RBM20: variants seen among roughly 807,000 people sequenced by gnomAD.
RBM20 encodes the protein RNA binding motif protein 20.
Under a neutral mutation model 110.1 loss-of-function variants are expected in RBM20, and 51 were observed. The ratio of observed to expected loss-of-function variants is 0.46; its 90% confidence interval spans 0.37 to 0.59. The LOEUF (loss-of-function observed/expected upper bound fraction) is 0.59, where lower values mean the gene tolerates loss of function less well. RBM20 is among the 20% of genes least tolerant of loss of function. The pLI, the probability that RBM20 is intolerant of heterozygous loss-of-function variation, is 0.00. For missense variants in RBM20, 1,512 were observed against 1,574.9 expected, an observed-to-expected ratio of 0.96 and a Z score of 0.68; for synonymous variants, 589 against 618.2, an observed-to-expected ratio of 0.95 and a Z score of 0.70.
intron 1 of RBM20, among the ~76,000 whole-genome samples, chr10:110,659,583 G>A (rs897392733): frequency 1.3e-5 from 2 of 152,076 alleles, no homozygotes; most frequent in African/African-American, 4.8e-5. Context: ...GATAAATGGT[G>A]GAAATGACCA....
upstream of RBM20, chr10:110,644,272 G>A: frequency 2.3e-6 from 1 of 425,668 alleles, no homozygotes; most frequent in Non-Finnish European, 4.1e-6. The surrounding 1 kb of genome is among the most constrained non-coding windows in gnomAD (Gnocchi z 4.3). Flanking sequence ...GGGACGAGCT[G>A]GAGCAGCGGG....
rs883317 is a variant in RBM20, at chr10:110,739,345, C to G, written c.192-41456C>G. On this transcript the variant is annotated intron_variant, in intron 1 of 13. Coordinates refer to ENST00000369519, the MANE Select transcript of RBM20 (RefSeq NM_001134363.3). This position sits in a 1 kb window ranked among gnomAD's most constrained non-coding sequence, Gnocchi z 4.1. ...TTCATTAGGTGCCCACTCTGGGTTA[C>G]TGTGTCTCGCACTGTCCTGGACACT... Among the ~76,000 whole-genome samples, 107,134 of 152,074 alleles carry G rather than the reference C, an allele frequency of 0.7. 38,415 individuals carry two copies. Among genetic ancestry groups the G allele is most frequent in the African/African-American group, 0.85 (35,307 of 41,504 alleles).
chr10:110,780,973 C>A lies in RBM20; in HGVS notation c.364C>A (p.Gln122Lys), dbSNP rs727504583. 1.2e-5 allele frequency: 19 copies of A among 1,551,654 alleles called. No individual in the cohort carries two copies. In the Admixed American group the frequency reaches 2.9e-4, roughly 24 times the overall value. Reference sequence around the variant, plus strand: ...CACTGCAGCCGCCACAGTCCTGAACCAAGTCCTCTCCAAAGTGGCCATGTC... The same window carrying A: ...CACTGCAGCCGCCACAGTCCTGAACAAAGTCCTCTCCAAAGTGGCCATGTC... ...NNTAAATVLNQVLSKVAMSQP... is the reference protein window; with the variant it reads ...NNTAAATVLNKVLSKVAMSQP... The change falls in exon 2 of 14, where the codon CAA becomes AAA. Residue 122 changes from glutamine to lysine, a missense_variant. Gln to Lys is a moderately conservative substitution (Grantham distance 53). This residue lies in a region of RBM20 where 1,149 missense variants were observed against 1,169.4 expected (regional missense o/e 0.98). Coordinates refer to ENST00000369519, the MANE Select transcript of RBM20 (RefSeq NM_001134363.3).
chr10:110,760,198 A>G (rs1020181456), intron 1 of RBM20, among the ~76,000 whole-genome samples: 4 of 152,146 alleles, frequency 2.6e-5, no homozygotes, highest in Non-Finnish European at 4.4e-5. Flanking sequence ...GTGAAAACCC[A>G]CCTGAATCGG....
Position 110,739,885 on chromosome 10 carries a change from C to T in RBM20, c.192-40916C>T, listed in dbSNP as rs1590646921. Among the ~76,000 whole-genome samples the T allele has an allele frequency of 6.6e-6, 1 of 152,222 alleles. No individual in the cohort carries two copies. The highest frequency in any genetic ancestry group is 1.9e-4 in the East Asian group (1 of 5,202). On this transcript the variant is annotated intron_variant, in intron 1 of 13. Coordinates refer to ENST00000369519, the MANE Select transcript of RBM20 (RefSeq NM_001134363.3). This position sits in a 1 kb window ranked among gnomAD's most constrained non-coding sequence, Gnocchi z 4.1. ...ACACAGCCCACAAGCAGTGAGGAAG[C>T]CACTCCCAGCGGCCCTGCCCGTCTG...
chr10:110,713,398 T>G (rs963676964), intron 1 of RBM20, among the ~76,000 whole-genome samples: 2 of 152,158 alleles, frequency 1.3e-5, no homozygotes, highest in Admixed American at 6.5e-5. Context: ...ATGGCTTGAG[T>G]GATATCCTGA....
intron 1 of RBM20, among the ~76,000 whole-genome samples, chr10:110,698,872 C>G (rs183991802): frequency 2.0e-5 from 3 of 152,294 alleles, no homozygotes; most frequent in Admixed American, 2.0e-4. Flanking sequence ...CCCAGCCAGA[C>G]AGACCACTGC....
intron 13 of RBM20, 83 bp downstream of exon 13, chr10:110,831,265 T>G: frequency 6.8e-7 from 1 of 1,460,796 alleles, no homozygotes. Flanking sequence ...TCCTTGGCCT[T>G]GCTTGCCTCT....
At chr10:110,647,645 A>G (rs146726783) in intron 1 of RBM20, among the ~76,000 whole-genome samples, 82 of 152,320 alleles carry the variant, frequency 5.4e-4, no homozygotes, top group African/African-American at 1.9e-3. Flanking sequence ...TATTTTTTCC[A>G]TACTAGCAGA....
At chr10:110,696,620 A>G (rs1862668135) in intron 1 of RBM20, among the ~76,000 whole-genome samples, 1 of 152,158 alleles carries the variant, frequency 6.6e-6, no homozygotes, top group African/African-American at 2.4e-5. Context: ...AGATGGGCCA[A>G]GCGCAACCGT....
chr10:110,703,001 T>G, intron 1 of RBM20, among the ~76,000 whole-genome samples: 1 of 146,796 alleles, frequency 6.8e-6, no homozygotes, highest in Non-Finnish European at 1.5e-5. Context: ...GTTTTTTTTT[T>G]TGTTTTTTTT....
At chr10:110,759,053 T>C (rs1022915866) in intron 1 of RBM20, among the ~76,000 whole-genome samples, 1 of 152,218 alleles carries the variant, frequency 6.6e-6, no homozygotes, top group Non-Finnish European at 1.5e-5. Flanking sequence ...TTTCCTTTCC[T>C]AGGAAGGACT....
chr10:110,771,250 C>T (rs540011092), intron 1 of RBM20, among the ~76,000 whole-genome samples: 3 of 152,056 alleles, frequency 2.0e-5, no homozygotes, highest in East Asian at 1.9e-4. Flanking sequence ...CTCAGCCTCC[C>T]GAGTAGGTGG....
intron 1 of RBM20, among the ~76,000 whole-genome samples, chr10:110,654,379 C>T (rs1861991604): frequency 6.6e-6 from 1 of 152,192 alleles, no homozygotes; most frequent in African/African-American, 2.4e-5. Flanking sequence ...TCCCATTTAA[C>T]TCTATAAGAG....
At position 110,821,804 on chromosome 10, in the gene RBM20, T is replaced by A; in HGVS notation, c.3185T>A (p.Phe1062Tyr). The A allele has an allele frequency of 6.4e-7, 1 of 1,551,610 alleles. No homozygotes were observed. Among genetic ancestry groups the A allele is most frequent in the East Asian group, 2.4e-5 (1 of 40,908 alleles). ...AEERARQPSP[F>Y]VDDCKTRGTP... ...GAGAGGGCCCGGCAGCCAAGCCCAT[T>A]TGTGGATGATTGCAAGACCAGGGGG... The change falls in exon 11 of 14, where the codon TTT (phenylalanine) becomes TAT (tyrosine). Residue 1062 changes from phenylalanine (F) to tyrosine (Y), a missense_variant. Transcript: ENST00000369519.
rs189591302 is a variant in RBM20, at chr10:110,818,078, G to A, written c.2551-1994G>A. On this transcript the variant is annotated intron_variant, in intron 9 of 13. Transcript: ENST00000369519. The stretch of plus-strand genomic sequence containing the variant: ...GCAGATCGCTTGAGGTCAGGAGTTC[G>A]AGACCAGCCTGGCCAACATGGTGAA... Among the ~76,000 whole-genome samples the A allele has an allele frequency of 5.2e-4, 78 of 151,324 alleles. 1 individual carries two copies. Among genetic ancestry groups the A allele is most frequent in the Non-Finnish European group, 8.5e-4 (58 of 67,860 alleles).
At chr10:110,706,523 T>C (rs1275617374) in intron 1 of RBM20, among the ~76,000 whole-genome samples, 2 of 152,250 alleles carry the variant, frequency 1.3e-5, no homozygotes, top group Non-Finnish European at 2.9e-5. Context: ...GCAGCATTCA[T>C]TGAGTGACTA....
intron 1 of RBM20, among the ~76,000 whole-genome samples, chr10:110,663,284 T>C (rs936938678): frequency 1.4e-4 from 21 of 152,174 alleles, no homozygotes; most frequent in African/African-American, 4.3e-4. Context: ...ACAGAGAAGA[T>C]AGCCAGTTGT....
chr10:110,830,597 T>C (rs1187702232), intron 12 of RBM20, among the ~76,000 whole-genome samples: 3 of 152,054 alleles, frequency 2.0e-5, no homozygotes, highest in African/African-American at 7.3e-5. Flanking sequence ...TTATTTACTT[T>C]TTTTTCTGTA....
Sources: allele counts gnomAD v4.1 joint callset (sites outside exome capture counted in the v4.1 genomes callset), GRCh38; gene constraint gnomAD v4.1.1; regional missense constraint gnomAD v4.1.1; non-coding constraint Gnocchi (gnomAD v3.1); transcripts MANE v1.5; gene names NCBI Gene and HGNC (gene_info 2026-07-23, HGNC 2026-07-21).